Variants in GALNT6 observed in about 807,000 individuals in gnomAD.
GALNT6 encodes the protein GalNAc transferase 6.
In GALNT6, 51 loss-of-function variants were observed where a neutral mutation model predicts 65.9. That is an observed-to-expected ratio of 0.77 (90% CI 0.62 to 0.98). GALNT6 has a LOEUF of 0.98. Ranked by LOEUF, GALNT6 falls within the 50% of genes least tolerant of loss-of-function variation. The pLI, the probability that GALNT6 is intolerant of heterozygous loss-of-function variation, is 0.00. For synonymous variants in GALNT6, 323 were observed against 315.1 expected (o/e 1.02, Z -0.26); for missense variants, 708 against 803.3 (o/e 0.88, Z 1.43).
In GALNT6 at chr12:51,369,930, T is replaced by C. The variant is rs1209411357; in HGVS notation, c.665-4351A>G. Among the ~76,000 whole-genome samples, 3 of 152,168 alleles carry C rather than the reference T, an allele frequency of 2.0e-5. No homozygotes were observed. In the East Asian group the frequency reaches 5.8e-4, roughly 29 times the overall value. Reference sequence around the variant, plus strand: ...AGCTACTGTGAGAAGTAAAATTCTCTCTAAAAATCATAAATCAGATCATGT... The same window carrying C: ...AGCTACTGTGAGAAGTAAAATTCTCCCTAAAAATCATAAATCAGATCATGT... On this transcript the variant is annotated intron_variant, in intron 4 of 11. Coordinates refer to ENST00000356317, the MANE Select transcript of GALNT6 (RefSeq NM_007210.4).
At chr12:51,378,420 G>C (rs770537533) in intron 3 of GALNT6, among the ~76,000 whole-genome samples, 4 of 152,130 alleles carry the variant, frequency 2.6e-5, no homozygotes, top group Non-Finnish European at 5.9e-5. Context: ...GCCTTCCATA[G>C]TGCTGGGATT....
intron 2 of GALNT6, among the ~76,000 whole-genome samples, chr12:51,390,157 T>TTTCTTTCTTTCTTTC (rs71991763): frequency 2.4e-5 from 2 of 84,694 alleles, no homozygotes; most frequent in African/African-American, 9.5e-5. Context: ...TCTTTCTTTC[T>TTTCTTTCTTTCTTTC]TTTTTTTTTT....
intron 7 of GALNT6, chr12:51,359,561 C>T (rs528389861): frequency 2.4e-6 from 1 of 425,228 alleles, no homozygotes; most frequent in South Asian, 6.6e-5. Context: ...CACAGGGAGA[C>T]TGCAGGGTCC....
intron 2 of GALNT6, among the ~76,000 whole-genome samples, chr12:51,384,071 C>T (rs1178633121): frequency 6.6e-6 from 1 of 152,194 alleles, no homozygotes; most frequent in Non-Finnish European, 1.5e-5. Flanking sequence ...CAGCCCCCAT[C>T]CACTCATTTC....
chr12:51,368,568 C>T (rs1209931085), intron 4 of GALNT6, among the ~76,000 whole-genome samples: 1 of 151,980 alleles, frequency 6.6e-6, no homozygotes, highest in Non-Finnish European at 1.5e-5. Context: ...CCACGCCCCG[C>T]TAATTTTTTG....
At chr12:51,354,622 C>T (rs1025523273) in intron 11 of GALNT6, 130 bp from the exon 12 acceptor site, 2 of 609,502 alleles carry the variant, frequency 3.3e-6, no homozygotes, top group South Asian at 4.1e-5. Flanking sequence ...GACACTTCCC[C>T]ATTCCTTTCC....
Position 51,387,051 on chromosome 12 carries a change from C to A in GALNT6, c.-104+3799G>T, listed in dbSNP as rs1947865880. 6.6e-6 allele frequency among the ~76,000 whole-genome samples: 1 copy of A among 152,112 alleles called. No individual in the cohort carries two copies. The highest frequency in any genetic ancestry group is 2.4e-5 in the African/African-American group (1 of 41,428). On this transcript the variant is annotated intron_variant, in intron 2 of 11. Coordinates refer to ENST00000356317, the MANE Select transcript of GALNT6 (RefSeq NM_007210.4). This position sits in a 1 kb window ranked among gnomAD's most constrained non-coding sequence, Gnocchi z 4.2. ...GATACGCTGAAAATTATTTCTGTAG[C>A]TAGTCTGTCAAGTTCCCCCAACATA... is the stretch of plus-strand genomic sequence containing the variant.
intron 5 of GALNT6, among the ~76,000 whole-genome samples, chr12:51,364,572 G>T (rs1487655610): frequency 6.6e-6 from 1 of 152,238 alleles, no homozygotes; most frequent in Non-Finnish European, 1.5e-5. Context: ...CAGGGAGAAT[G>T]GAGGTCTCAG....
intron 2 of GALNT6, among the ~76,000 whole-genome samples, chr12:51,382,053 T>C (rs1301389228): frequency 6.6e-6 from 1 of 152,244 alleles, no homozygotes; most frequent in African/African-American, 2.4e-5. Flanking sequence ...CATTCTGGAC[T>C]GGGGTACAAA....
intron 7 of GALNT6, 107 bp from the exon 8 acceptor site, chr12:51,359,439 C>T: frequency 1.3e-6 from 1 of 742,342 alleles, no homozygotes; most frequent in Non-Finnish European, 2.2e-6. Context: ...GGTCCAAGGA[C>T]TTGGGCAAAT....
intron 3 of GALNT6, among the ~76,000 whole-genome samples, chr12:51,378,532 A>C (rs918847819): frequency 5.9e-5 from 9 of 152,268 alleles, no homozygotes; most frequent in African/African-American, 1.7e-4. Context: ...TACTTGGCTC[A>C]AGTCTCAAGA....
At chr12:51,367,079 C>T (rs1040413726) in intron 4 of GALNT6, among the ~76,000 whole-genome samples, 2 of 152,098 alleles carry the variant, frequency 1.3e-5, no homozygotes, top group African/African-American at 2.4e-5. Flanking sequence ...GCCTGACCAA[C>T]ATGGAGAAAC....
chr12:51,361,966 A>C (rs942667911), intron 6 of GALNT6, among the ~76,000 whole-genome samples: 8 of 152,164 alleles, frequency 5.3e-5, no homozygotes, highest in African/African-American at 1.4e-4. Flanking sequence ...CTACCCAGGA[A>C]TGTGACCCTG....
intron 2 of GALNT6, among the ~76,000 whole-genome samples, chr12:51,386,224 C>T (rs1007624425): frequency 6.6e-6 from 1 of 152,226 alleles, no homozygotes; most frequent in Non-Finnish European, 1.5e-5. Context: ...ACTTCTCTAG[C>T]AACACACAGC....
At chr12:51,391,090 G>T (rs1211869708) in intron 1 of GALNT6, 153 bp from the exon 2 acceptor site, 1 of 152,400 alleles carries the variant, frequency 6.6e-6, no homozygotes, top group Non-Finnish European at 1.5e-5. Flanking sequence ...ACCTCCACCA[G>T]CGAGGCTTCT....
At chr12:51,364,859 A>C (rs534722612) in intron 5 of GALNT6, among the ~76,000 whole-genome samples, 1 of 152,308 alleles carries the variant, frequency 6.6e-6, no homozygotes, top group African/African-American at 2.4e-5. Context: ...CTGTTCAGTA[A>C]GGTTAGTATC....
intron 6 of GALNT6, among the ~76,000 whole-genome samples, chr12:51,363,676 C>T (rs1278278247): frequency 6.6e-6 from 1 of 152,154 alleles, no homozygotes; most frequent in African/African-American, 2.4e-5. Flanking sequence ...GGGGCACATA[C>T]CACTCCCTCT....
At chr12:51,370,839 G>A (rs1174539950) in intron 4 of GALNT6, among the ~76,000 whole-genome samples, 1 of 151,900 alleles carries the variant, frequency 6.6e-6, no homozygotes, top group African/African-American at 2.4e-5. Context: ...TGGTCAACAT[G>A]GTGAGACCCC....
chr12:51,357,438 C>A lies in GALNT6; in HGVS notation c.1513G>T (p.Gly505Cys). ...PTFYGAIKNLGTNQCLDVGEN... is the reference protein window; with the variant it reads ...PTFYGAIKNLCTNQCLDVGEN... ...CCCACATCCAGGCATTGGTTGGTGCCGAGGTTCTTGATCTGCAGAAGGGTG... is the reference window on the plus strand; with the variant it reads ...CCCACATCCAGGCATTGGTTGGTGCAGAGGTTCTTGATCTGCAGAAGGGTG... The change falls in exon 10 of 12, where the codon GGC (glycine) becomes TGC (cysteine). Residue 505 changes from glycine (G) to cysteine (C), a missense_variant. Transcript: ENST00000356317. 2.5e-6 allele frequency: 4 copies of A among 1,613,248 alleles called. No homozygotes were observed. Among genetic ancestry groups the A allele is most frequent in the Non-Finnish European group, 3.4e-6 (4 of 1,179,264 alleles).
Sources: allele counts gnomAD v4.1 joint callset (sites outside exome capture counted in the v4.1 genomes callset), GRCh38; gene constraint gnomAD v4.1.1; non-coding constraint Gnocchi (gnomAD v3.1); transcripts MANE v1.5; gene names NCBI Gene and HGNC (gene_info 2026-07-23, HGNC 2026-07-21).